Variants in SMAP1 observed in about 807,000 individuals in gnomAD.
SMAP1 encodes the protein small ArfGAP 1.
SMAP1 carries 24 observed loss-of-function variants against 58.5 expected under a neutral mutation model. The observed-to-expected ratio is 0.41, with a 90% CI of 0.30 to 0.58. The LOEUF (loss-of-function observed/expected upper bound fraction) is 0.58, where lower values mean the gene tolerates loss of function less well. SMAP1 is among the 20% of genes least tolerant of loss of function. The probability of loss-of-function intolerance (pLI) is 0.29; values close to 1 mark genes in which losing one functional copy is unlikely to be tolerated. For missense variants in SMAP1, 563 were observed against 566.3 expected (o/e 0.99, Z 0.06); for synonymous variants, 216 against 196.6 (o/e 1.10, Z -0.82).
intron 4 of SMAP1, among the ~76,000 whole-genome samples, chr6:70,783,081 A>G (rs1206154392): frequency 6.6e-6 from 1 of 152,156 alleles, no homozygotes; most frequent in Non-Finnish European, 1.5e-5. Flanking sequence ...CTCCTCTGAG[A>G]CAAAACTTCC....
In SMAP1 at chr6:70,860,736, T is replaced by A. The variant is rs1344448150; in HGVS notation, c.*402T>A. Reference sequence around the variant, plus strand: ...CCAGTAATCCTGTAGGAAGGTACTGTATGATCAAATGTTTAATCATATAAA... The same window carrying A: ...CCAGTAATCCTGTAGGAAGGTACTGAATGATCAAATGTTTAATCATATAAA... On this transcript the variant is annotated 3_prime_UTR_variant, in exon 11 of 11. Transcript: ENST00000370455. 5.0e-6 allele frequency: 2 copies of A among 401,430 alleles called. No homozygotes were observed. 24.9% of individuals were successfully genotyped at this position (401,430 alleles called of 1,614,324 possible).
intron 1 of SMAP1, among the ~76,000 whole-genome samples, chr6:70,699,573 A>T (rs143950987): frequency 3.9e-4 from 59 of 151,006 alleles, no homozygotes; most frequent in African/African-American, 1.4e-3. Context: ...ATTCCACTTA[A>T]TGCACTGTTC....
At chr6:70,674,469 C>G (rs1169545362) in intron 1 of SMAP1, among the ~76,000 whole-genome samples, 3 of 152,056 alleles carry the variant, frequency 2.0e-5, no homozygotes, top group African/African-American at 7.2e-5. Context: ...TAGAATTAAG[C>G]CATTTTAGTT....
At chr6:70,686,855 T>C (rs1766955996) in intron 1 of SMAP1, among the ~76,000 whole-genome samples, 1 of 152,188 alleles carries the variant, frequency 6.6e-6, no homozygotes, top group Admixed American at 6.5e-5. Flanking sequence ...AATACCCTTA[T>C]CATTTGAAAG....
At chr6:70,688,515 T>C (rs1191377880) in intron 1 of SMAP1, among the ~76,000 whole-genome samples, 2 of 152,212 alleles carry the variant, frequency 1.3e-5, no homozygotes, top group Non-Finnish European at 2.9e-5. Context: ...AACAGTGATA[T>C]TGGCTTCAAT....
chr6:70,709,638 A>G (rs1364553519), intron 1 of SMAP1, among the ~76,000 whole-genome samples: 1 of 152,154 alleles, frequency 6.6e-6, no homozygotes, highest in African/African-American at 2.4e-5. Context: ...ATGATTTGAA[A>G]TCAAGAAGTG....
chr6:70,767,134 G>A (rs1455136163), intron 3 of SMAP1, among the ~76,000 whole-genome samples: 2 of 152,122 alleles, frequency 1.3e-5, no homozygotes, highest in African/African-American at 4.8e-5. Context: ...ATACCATGCT[G>A]TTTTGGTTAC....
chr6:70,668,221 C>T (rs1020136417), intron 1 of SMAP1, 80 bp downstream of exon 1: 1 of 1,290,892 alleles, frequency 7.7e-7, no homozygotes, highest in Non-Finnish European at 1.1e-6. Flanking sequence ...GCTCGGGGCC[C>T]GAGCGGACGC....
intron 7 of SMAP1, among the ~76,000 whole-genome samples, chr6:70,838,691 A>C (rs1316446772): frequency 1.3e-5 from 2 of 151,868 alleles, no homozygotes; most frequent in African/African-American, 4.8e-5. Context: ...AGTGTGGCTA[A>C]AGTGGAATGA....
rs979075173 is a variant in SMAP1, at chr6:70,698,265, C to G, written c.118+30124C>G. On this transcript the variant is annotated intron_variant, in intron 1 of 10. Transcript: ENST00000370455. ...TGTAAGGTTTCCACTGAGACATATG[C>G]TGCCAGATGTGTTAGAGCTCCTTTG... Among the ~76,000 whole-genome samples, 4 of 152,176 alleles carry G rather than the reference C, an allele frequency of 2.6e-5. No homozygotes were observed. In the South Asian group the frequency reaches 8.3e-4, roughly 32 times the overall value.
At chr6:70,804,841 C>T (rs1002988799) in intron 6 of SMAP1, among the ~76,000 whole-genome samples, 4 of 151,876 alleles carry the variant, frequency 2.6e-5, no homozygotes, top group East Asian at 3.9e-4. Flanking sequence ...CTCTTCTGGC[C>T]TATAGTGTTT....
At chr6:70,854,496 CCTGTAATCCCAGTTACT>C (rs1562204565) in intron 8 of SMAP1, among the ~76,000 whole-genome samples, 2 of 152,074 alleles carry the variant, frequency 1.3e-5, no homozygotes, top group African/African-American at 4.8e-5. Flanking sequence ...GTGGCGTGCG[CCTGTAATCCCAGTTACT>C]CGGGAGGCTG....
intron 8 of SMAP1, among the ~76,000 whole-genome samples, chr6:70,853,201 T>C (rs1203187775): frequency 6.8e-6 from 1 of 147,906 alleles, no homozygotes; most frequent in Non-Finnish European, 1.5e-5. Flanking sequence ...TCTACCTTGC[T>C]TTTTTTTTTA....
chr6:70,677,277 A>G (rs1766519105), intron 1 of SMAP1, among the ~76,000 whole-genome samples: 2 of 150,794 alleles, frequency 1.3e-5, no homozygotes, highest in Admixed American at 1.3e-4. Flanking sequence ...TTGAAAGAAC[A>G]CTAGCTTGGT....
At chr6:70,748,714 T>A (rs1766149889) in intron 2 of SMAP1, among the ~76,000 whole-genome samples, 1 of 152,086 alleles carries the variant, frequency 6.6e-6, no homozygotes, top group African/African-American at 2.4e-5. Flanking sequence ...ATTATTTTAT[T>A]TAGTTGTTGG....
intron 1 of SMAP1, among the ~76,000 whole-genome samples, chr6:70,707,440 G>T (rs1252701300): frequency 6.6e-6 from 1 of 152,038 alleles, no homozygotes; most frequent in Non-Finnish European, 1.5e-5. Context: ...TTGAGAGCAT[G>T]ATCTGTTAAT....
intron 6 of SMAP1, among the ~76,000 whole-genome samples, chr6:70,815,164 C>T (rs1325389097): frequency 6.6e-6 from 1 of 152,096 alleles, no homozygotes. Flanking sequence ...TTTTTAGTGT[C>T]TTATCTGGGT....
chr6:70,826,254 ATTC>A (rs1770112685), intron 6 of SMAP1, among the ~76,000 whole-genome samples: 1 of 152,234 alleles, frequency 6.6e-6, no homozygotes, highest in Admixed American at 6.5e-5. Context: ...ACTCTAGGTC[ATTC>A]TTTGAGAAAT....
chr6:70,751,632 A>T (rs1766282336), intron 2 of SMAP1, among the ~76,000 whole-genome samples: 1 of 152,170 alleles, frequency 6.6e-6, no homozygotes, highest in Non-Finnish European at 1.5e-5. Flanking sequence ...AAAGCCAAAG[A>T]ATTTTCAAAA....
Sources: gnomAD v4.1 joint callset for allele counts (sites outside exome capture counted in the v4.1 genomes callset) on GRCh38, gnomAD v4.1.1 for gene constraint, MANE v1.5 for transcripts, NCBI Gene and HGNC (gene_info 2026-07-23, HGNC 2026-07-21) for gene names.